The following BRAF variants were observed in gnomAD, a reference collection of about 807,000 sequenced individuals.
BRAF encodes serine/threonine-protein kinase B-raf.
A neutral mutation model predicts 104.6 loss-of-function variants in BRAF; 16 were observed. That is an observed-to-expected ratio of 0.15 (90% CI 0.10 to 0.23). The LOEUF is 0.23. BRAF is among the 10% of genes least tolerant of loss of function. BRAF has a pLI of 1.00. For synonymous variants in BRAF, 310 were observed against 341.6 expected, an observed-to-expected ratio of 0.91 and a Z score of 1.02; for missense variants, 541 against 937.3, an observed-to-expected ratio of 0.58 and a Z score of 5.52.
chr7:140,876,095 A>G (rs2129098528), intron 1 of BRAF, among the ~76,000 whole-genome samples: 1 of 152,334 alleles, frequency 6.6e-6, no homozygotes, highest in South Asian at 2.1e-4. Context: ...GAAAGTAAAA[A>G]CAATAGCATT....
chr7:140,721,548 C>A lies in BRAF; in HGVS notation c.*4946G>T. ...CATCTTACCAGTATTTTTAATTTTA[C>A]CAGAGCTAGCAACATGGACCACAGA... On this transcript the variant is annotated 3_prime_UTR_variant, in exon 20 of 20. Transcript: ENST00000644969. 1 of 1,456,106 alleles carries A rather than the reference C, an allele frequency of 6.9e-7. No individual in the cohort carries two copies. The highest frequency in any genetic ancestry group is 9.0e-7 in the Non-Finnish European group (1 of 1,108,412). 90.2% of individuals were successfully genotyped at this position (1,456,106 alleles called of 1,614,324 possible).
At chr7:140,802,010 T>C (rs1015231705) in intron 5 of BRAF, among the ~76,000 whole-genome samples, 2 of 152,120 alleles carry the variant, frequency 1.3e-5, no homozygotes, top group Admixed American at 6.5e-5. Flanking sequence ...AAAAAACTAC[T>C]AATAAAAATA....
At chr7:140,757,164 T>C (rs1031990104) in intron 14 of BRAF, among the ~76,000 whole-genome samples, 2 of 152,140 alleles carry the variant, frequency 1.3e-5, no homozygotes, top group Non-Finnish European at 2.9e-5. Context: ...TGACAATAAA[T>C]AGAATTTTTA....
At chr7:140,829,324 T>G (rs957592607) in intron 3 of BRAF, among the ~76,000 whole-genome samples, 1 of 151,108 alleles carries the variant, frequency 6.6e-6, no homozygotes, top group Non-Finnish European at 1.5e-5. Flanking sequence ...GCCTACTAGA[T>G]TTTTCTTGAA....
intron 17 of BRAF, among the ~76,000 whole-genome samples, chr7:140,748,179 T>C (rs1238520192): frequency 6.6e-6 from 1 of 152,166 alleles, no homozygotes. Context: ...ATAGGTGAAG[T>C]GAGAAAGCTA....
intron 10 of BRAF, among the ~76,000 whole-genome samples, chr7:140,783,806 G>A (rs1000194424): frequency 6.6e-6 from 1 of 152,166 alleles, no homozygotes; most frequent in African/African-American, 2.4e-5. Context: ...AAATAAAGCC[G>A]GGCATATTTC....
chr7:140,764,663 C>G (rs1799126797), intron 14 of BRAF, among the ~76,000 whole-genome samples: 1 of 152,154 alleles, frequency 6.6e-6, no homozygotes, highest in African/African-American at 2.4e-5. Context: ...AACAGACAAA[C>G]AGAGAGCCAA....
Position 140,783,091 on chromosome 7 carries a change from G to A in BRAF, c.1364C>T (p.Ala455Val). The change falls in exon 11 of 20, where the codon GCC becomes GTC. Residue 455 changes from alanine to valine, a missense_variant. By Grantham distance (64) the Ala-to-Val change is moderately conservative. Around this residue, in one of 10 missense-constraint regions of BRAF, gnomAD observed 109 missense variants for 143.9 expected, o/e 0.76. Transcript: ENST00000644969. ...SLPGSLTNVK[A>V]LQKSPGPQRE... ...CTGAGGTCCTGGAGATTTCTGTAAG[G>A]CTTTCACGTTAGTTAGTGAGCCAGG... The A allele has an allele frequency of 6.2e-7, 1 of 1,614,060 alleles. No homozygotes were observed. The highest frequency in any genetic ancestry group is 8.5e-7 in the Non-Finnish European group (1 of 1,179,984).
chr7:140,916,290 G>C (rs1336916595), intron 1 of BRAF, among the ~76,000 whole-genome samples: 1 of 152,124 alleles, frequency 6.6e-6, no homozygotes, highest in Non-Finnish European at 1.5e-5. Context: ...CAAAGTAAAG[G>C]GGCCCTATAG....
At chr7:140,749,544 C>G (rs1585999083) in intron 16 of BRAF, 126 bp from the exon 16 acceptor site, 6 of 1,001,590 alleles carry the variant, frequency 6.0e-6, no homozygotes, top group Non-Finnish European at 7.4e-6. Context: ...AATCAATTCT[C>G]TTAATAGTCA....
chr7:140,761,247 G>A (rs1028219729), intron 14 of BRAF, among the ~76,000 whole-genome samples: 8 of 152,140 alleles, frequency 5.3e-5, no homozygotes, highest in Non-Finnish European at 1.2e-4. Flanking sequence ...CATTCTTAAA[G>A]AAAACAATTT....
intron 12 of BRAF, 87 bp downstream of exon 11, chr7:140,781,489 T>A: frequency 7.2e-6 from 9 of 1,252,986 alleles, no homozygotes; most frequent in African/African-American, 1.5e-5. Context: ...CAGTGAATAT[T>A]TCCTTTGATG....
intron 1 of BRAF, among the ~76,000 whole-genome samples, chr7:140,892,803 C>T (rs972929034): frequency 1.3e-5 from 2 of 152,032 alleles, no homozygotes; most frequent in African/African-American, 4.8e-5. Context: ...ATCCAGGGAA[C>T]AAAACAATAC....
In BRAF at chr7:140,721,497, A is replaced by C; in HGVS notation, c.*4997T>G. On this transcript the variant is annotated 3_prime_UTR_variant, in exon 20 of 20. Coordinates refer to ENST00000644969, the MANE Select transcript of BRAF (RefSeq NM_001374258.1). ...ATTTGAAAACAACAAAACAGAGCTTACTGTCTAGTGTACTAATAAAACAAA... is the reference window on the plus strand; with the variant it reads ...ATTTGAAAACAACAAAACAGAGCTTCCTGTCTAGTGTACTAATAAAACAAA... The C allele has an allele frequency of 7.7e-7, 1 of 1,305,380 alleles. No homozygotes were observed. The highest frequency in any genetic ancestry group is 2.4e-5 in the South Asian group (1 of 41,474). The allele number at this position is 1,305,380 out of a possible 1,614,324, so 80.9% of individuals were successfully genotyped here.
chr7:140,872,362 A>AC (rs1811708441), intron 1 of BRAF, among the ~76,000 whole-genome samples: 1 of 152,116 alleles, frequency 6.6e-6, no homozygotes. Flanking sequence ...TAAAAAAAAA[A>AC]TATGAAGTAA....
chr7:140,792,879 T>C (rs920640529), intron 8 of BRAF, among the ~76,000 whole-genome samples: 4 of 152,182 alleles, frequency 2.6e-5, no homozygotes, highest in Non-Finnish European at 5.9e-5. Context: ...TAATCAACAG[T>C]AAGTCACTAA....
chr7:140,752,609 C>A (rs1020133642), intron 16 of BRAF, among the ~76,000 whole-genome samples: 3 of 151,562 alleles, frequency 2.0e-5, no homozygotes. Flanking sequence ...TTCTTTTCCA[C>A]AAAGCAAAAA....
chr7:140,861,163 G>T (rs1448752525), intron 1 of BRAF, among the ~76,000 whole-genome samples: 1 of 152,148 alleles, frequency 6.6e-6, no homozygotes, highest in Non-Finnish European at 1.5e-5. Context: ...TGCAAACCGT[G>T]GAGATGTACC....
At chr7:140,838,992 G>C (rs1807638627) in intron 2 of BRAF, among the ~76,000 whole-genome samples, 1 of 151,460 alleles carries the variant, frequency 6.6e-6, no homozygotes. Context: ...TATAGTATGT[G>C]AATTATTTCT....
Sources: allele counts gnomAD v4.1 joint callset (sites outside exome capture counted in the v4.1 genomes callset), GRCh38; gene constraint gnomAD v4.1.1; regional missense constraint gnomAD v4.1.1; transcripts MANE v1.5; gene names NCBI Gene and HGNC (gene_info 2026-07-23, HGNC 2026-07-21).